TIMP2: variants seen among roughly 807,000 people sequenced by gnomAD.
The protein encoded by TIMP2 is metalloproteinase inhibitor 2.
A neutral mutation model predicts 24.3 loss-of-function variants in TIMP2; 5 were observed. The observed-to-expected ratio is 0.21, with a 90% CI of 0.11 to 0.43. The LOEUF (loss-of-function observed/expected upper bound fraction) is 0.43. Ranked by LOEUF, TIMP2 falls within the 20% of genes least tolerant of loss-of-function variation. The probability of loss-of-function intolerance (pLI) is 1.00; values close to 1 mark genes in which losing one functional copy is unlikely to be tolerated. For synonymous variants in TIMP2, 130 were observed against 123.2 expected, an observed-to-expected ratio of 1.06 and a Z score of -0.37; for missense variants, 221 against 297.5, an observed-to-expected ratio of 0.74 and a Z score of 1.89.
intron 4 of TIMP2, chr17:78,856,095 G>A (rs2069523316): frequency 1.7e-6 from 1 of 575,002 alleles, no homozygotes; most frequent in Non-Finnish European, 3.1e-6. Context: ...CCTACTGCAG[G>A]TGTGCTTCCC....
At chr17:78,918,619 G>T (rs553204281) in intron 1 of TIMP2, among the ~76,000 whole-genome samples, 62 of 152,278 alleles carry the variant, frequency 4.1e-4, no homozygotes, top group African/African-American at 1.4e-3. Flanking sequence ...CACTGAGGTG[G>T]TCAGCCTCCA....
chr17:78,919,013 A>G (rs905644844), intron 1 of TIMP2, among the ~76,000 whole-genome samples: 1 of 151,796 alleles, frequency 6.6e-6, no homozygotes, highest in Non-Finnish European at 1.5e-5. Flanking sequence ...TTGGAGTACA[A>G]CTCTGAATCC....
At chr17:78,863,908 C>T (rs2069587103) in intron 3 of TIMP2, among the ~76,000 whole-genome samples, 1 of 152,172 alleles carries the variant, frequency 6.6e-6, no homozygotes, top group Non-Finnish European at 1.5e-5. Flanking sequence ...CTGTCATCAT[C>T]CCCCATGTAC....
At chr17:78,867,260 G>C (rs996953926) in intron 3 of TIMP2, among the ~76,000 whole-genome samples, 1 of 152,154 alleles carries the variant, frequency 6.6e-6, no homozygotes, top group Admixed American at 6.6e-5. Context: ...GTCTTGGAAT[G>C]AGAATAAGAA....
In TIMP2 at chr17:78,873,690, G is replaced by C. The variant is rs1053340067; in HGVS notation, c.231+129C>G. 1.2e-5 allele frequency: 8 copies of C among 670,842 alleles called. No homozygotes were observed. The South Asian group carries it at 1.5e-4, about 13-fold the overall frequency. 41.6% of individuals were successfully genotyped at this position (670,842 alleles called of 1,614,324 possible). A position where few individuals can be genotyped will look rare whatever the true frequency, so the allele number is the denominator to read the frequency against. ...GGGAAATCGGATCTATTTGCAGCTT[G>C]ATGACCTCATCCTCTGCTCTAGTCC... On this transcript the variant is annotated intron_variant, in intron 2 of 4. Transcript: ENST00000262768.
rs61521508 is a variant in TIMP2, at chr17:78,893,856, A to G, written c.131-19937T>C. 2.1e-3 allele frequency among the ~76,000 whole-genome samples: 316 copies of G among 152,266 alleles called. 6 individuals carry two copies. The East Asian group carries it at 0.051, about 25-fold the overall frequency. On this transcript the variant is annotated intron_variant, in intron 1 of 4. Coordinates refer to ENST00000262768, the MANE Select transcript of TIMP2 (RefSeq NM_003255.5). ...CAGGCCTTCCTAGGAAAGGAGGGGC[A>G]TTTACACCAAAACAGTACGGGATTG...
intron 3 of TIMP2, among the ~76,000 whole-genome samples, chr17:78,858,540 TG>T (rs2069543547): frequency 6.6e-6 from 1 of 152,172 alleles, no homozygotes; most frequent in African/African-American, 2.4e-5. Flanking sequence ...CTATTGATTT[TG>T]AGACAGTCTT....
chr17:78,897,066 G>A lies in TIMP2; in HGVS notation c.131-23147C>T, dbSNP rs1283631899. On this transcript the variant is annotated intron_variant, in intron 1 of 4. Coordinates refer to ENST00000262768, the MANE Select transcript of TIMP2 (RefSeq NM_003255.5). ...CACCCAGGGACCCTCCACCCAGGCA[G>A]CGTGGAAGTGCCAGGGCCCACAGAC... 1.6e-5 allele frequency: 15 copies of A among 915,232 alleles called. 1 individual carries two copies. In the South Asian group the frequency reaches 6.0e-4, roughly 37 times the overall value. The allele number at this position is 915,232 out of a possible 1,614,324, so 56.7% of individuals were successfully genotyped here. A position where few individuals can be genotyped will look rare whatever the true frequency, so the allele number is the denominator to read the frequency against.
At position 78,890,661 on chromosome 17, in the gene TIMP2, G is replaced by A. The variant is rs189046524; in HGVS notation, c.131-16742C>T. 1,847 of 1,550,368 alleles carry A rather than the reference G, an allele frequency of 1.2e-3. 14 individuals carry two copies. In the African/African-American group the frequency reaches 0.021, roughly 17 times the overall value. Reference sequence around the variant, plus strand: ...ATTTAGCATATGTTCTGAAACTCCCGCAAGCATTTCCGGGCTTCTTCAAGA... The same window carrying A: ...ATTTAGCATATGTTCTGAAACTCCCACAAGCATTTCCGGGCTTCTTCAAGA... On this transcript the variant is annotated intron_variant, in intron 1 of 4. Coordinates refer to ENST00000262768, the MANE Select transcript of TIMP2 (RefSeq NM_003255.5).
chr17:78,895,834 C>G (rs1261091337), intron 1 of TIMP2, among the ~76,000 whole-genome samples: 1 of 152,126 alleles, frequency 6.6e-6, no homozygotes, highest in African/African-American at 2.4e-5. Context: ...CTGGAGGCCC[C>G]AAGGTTCACA....
chr17:78,872,674 G>A lies in TIMP2; in HGVS notation c.231+1145C>T, dbSNP rs115662836. Among the ~76,000 whole-genome samples the A allele has an allele frequency of 7.4e-3, 1,133 of 152,110 alleles. 16 individuals are homozygous for A. Among genetic ancestry groups the A allele is most frequent in the African/African-American group, 0.026 (1,081 of 41,480 alleles). ...TGGGCACTGGCACTGGCCTTTTCAC[G>A]ACCCCTTTATGAGGTCGTAAGAGCA... On this transcript the variant is annotated intron_variant, in intron 2 of 4. Coordinates refer to ENST00000262768, the MANE Select transcript of TIMP2 (RefSeq NM_003255.5).
At chr17:78,880,777 G>T (rs1749285857) in intron 1 of TIMP2, among the ~76,000 whole-genome samples, 1 of 152,148 alleles carries the variant, frequency 6.6e-6, no homozygotes, top group Admixed American at 6.5e-5. Context: ...CTTGCCAGGG[G>T]CCCAACTGCT....
At chr17:78,913,323 G>GTA (rs2070225397) in intron 1 of TIMP2, among the ~76,000 whole-genome samples, 3 of 152,330 alleles carry the variant, frequency 2.0e-5, no homozygotes, top group Admixed American at 2.0e-4. Context: ...AATTAGAGAT[G>GTA]ATGGCTGTGC....
chr17:78,917,281 T>C (rs1454046675), intron 1 of TIMP2, among the ~76,000 whole-genome samples: 1 of 134,826 alleles, frequency 7.4e-6, no homozygotes, highest in African/African-American at 2.8e-5. Context: ...AATACAAAAA[T>C]TAGCTGGGCA....
At position 78,890,486 on chromosome 17, in the gene TIMP2, G is replaced by A. The variant is rs142679494; in HGVS notation, c.131-16567C>T. On this transcript the variant is annotated intron_variant, in intron 1 of 4. Transcript: ENST00000262768. ...CTCCCAAAGTGCTGGGATTACAGGC[G>A]TGCGCCACTGCACCCGGCCCCAGAT... 2.4e-3 allele frequency: 2,139 copies of A among 877,692 alleles called. 51 individuals carry two copies. In the East Asian group the frequency reaches 0.048, roughly 20 times the overall value. 54.4% of individuals were successfully genotyped at this position (877,692 alleles called of 1,614,324 possible). A position where few individuals can be genotyped will look rare whatever the true frequency, so the allele number is the denominator to read the frequency against.
intron 1 of TIMP2, among the ~76,000 whole-genome samples, chr17:78,894,317 G>A (rs2145775085): frequency 6.6e-6 from 1 of 152,034 alleles, no homozygotes; most frequent in South Asian, 2.1e-4. Context: ...CAGCACCTTT[G>A]ACCAACCTCA....
chr17:78,888,330 T>C (rs1567998456), intron 1 of TIMP2, among the ~76,000 whole-genome samples: 1 of 152,020 alleles, frequency 6.6e-6, no homozygotes, highest in Non-Finnish European at 1.5e-5. Flanking sequence ...GGCTAATTTT[T>C]TGTATTTTTA....
intron 1 of TIMP2, among the ~76,000 whole-genome samples, chr17:78,913,310 C>A (rs746540711): frequency 6.6e-6 from 1 of 152,202 alleles, no homozygotes; most frequent in Non-Finnish European, 1.5e-5. Context: ...CTGGAAGCTG[C>A]AAAATTAGAG....
intron 1 of TIMP2, chr17:78,892,018 C>A: frequency 6.4e-7 from 1 of 1,550,694 alleles, no homozygotes; most frequent in Non-Finnish European, 8.7e-7. Context: ...CCCTCGGGGG[C>A]CTGGCTGATC....
Sources: gnomAD v4.1 joint callset for allele counts (sites outside exome capture counted in the v4.1 genomes callset) on GRCh38, gnomAD v4.1.1 for gene constraint, MANE v1.5 for transcripts, NCBI Gene and HGNC (gene_info 2026-07-23, HGNC 2026-07-21) for gene names.